MOB3B: variants seen among roughly 807,000 people sequenced by gnomAD.
MOB3B encodes the protein MOB kinase activator-like 2B.
MOB3B carries 7 observed loss-of-function variants against 18.7 expected under a neutral mutation model. The ratio of observed to expected loss-of-function variants is 0.37; its 90% CI spans 0.21 to 0.70. MOB3B has a LOEUF of 0.70. MOB3B is among the 30% of genes least tolerant of loss of function. The pLI is 0.52. For synonymous variants in MOB3B, 111 were observed against 99.9 expected (o/e 1.11, Z -0.66); for missense variants, 253 against 281.3 (o/e 0.90, Z 0.72).
At chr9:27,377,363 C>T (rs1427847557) in intron 2 of MOB3B, among the ~76,000 whole-genome samples, 1 of 152,192 alleles carries the variant, frequency 6.6e-6, no homozygotes, top group Non-Finnish European at 1.5e-5. Flanking sequence ...GACGATGAGT[C>T]ATTCTCTCAG....
At chr9:27,350,644 T>C (rs1821090141) in intron 3 of MOB3B, among the ~76,000 whole-genome samples, 1 of 152,204 alleles carries the variant, frequency 6.6e-6, no homozygotes, top group Non-Finnish European at 1.5e-5. Flanking sequence ...GGCAATTCAT[T>C]GGAAATAATC....
At chr9:27,459,239 G>A (rs1193821823) in intron 1 of MOB3B, among the ~76,000 whole-genome samples, 1 of 149,374 alleles carries the variant, frequency 6.7e-6, no homozygotes, top group East Asian at 1.9e-4. Context: ...CATAATTTAT[G>A]CTGTGGGCTA....
chr9:27,520,657 G>T (rs533286687), intron 1 of MOB3B, among the ~76,000 whole-genome samples: 3 of 152,246 alleles, frequency 2.0e-5, no homozygotes, highest in African/African-American at 7.2e-5. Context: ...AGTATGACAG[G>T]TGACCTCTTT....
intron 2 of MOB3B, among the ~76,000 whole-genome samples, chr9:27,438,580 G>T (rs1177043773): frequency 6.6e-6 from 1 of 152,110 alleles, no homozygotes; most frequent in African/African-American, 2.4e-5. Context: ...TGTTATAAAG[G>T]CTACAATACT....
intron 2 of MOB3B, among the ~76,000 whole-genome samples, chr9:27,364,669 C>T (rs2131361116): frequency 6.6e-6 from 1 of 152,244 alleles, no homozygotes; most frequent in South Asian, 2.1e-4. Flanking sequence ...GAATATATCC[C>T]TTAAAGAAAA....
chr9:27,413,423 G>A (rs777375127), intron 2 of MOB3B, among the ~76,000 whole-genome samples: 2 of 152,080 alleles, frequency 1.3e-5, no homozygotes, highest in Non-Finnish European at 2.9e-5. Context: ...AACAAAGGGA[G>A]GACCACTGCA....
chr9:27,330,510 A>G lies in MOB3B; in HGVS notation c.*77T>C, dbSNP rs559554236. On this transcript the variant is annotated 3_prime_UTR_variant, in exon 4 of 4. Transcript: ENST00000262244. The stretch of plus-strand genomic sequence containing the variant: ...TGGGAGTAGGTGTGTCATTTCAGCC[A>G]GGGTGGTCCACCTCCTGCCCGCTCA... 32 of 1,600,938 alleles carry G rather than the reference A, an allele frequency of 2.0e-5. No individual in the cohort carries two copies. In the African/African-American group the frequency reaches 4.0e-4, roughly 20 times the overall value.
intron 1 of MOB3B, among the ~76,000 whole-genome samples, chr9:27,473,839 A>C (rs535326192): frequency 6.6e-6 from 1 of 152,348 alleles, no homozygotes; most frequent in East Asian, 1.9e-4. Context: ...GCCACAGTGC[A>C]ATAGACTACA....
intron 1 of MOB3B, among the ~76,000 whole-genome samples, chr9:27,490,132 C>T (rs1318384341): frequency 1.3e-5 from 2 of 152,144 alleles, no homozygotes; most frequent in Non-Finnish European, 2.9e-5. Context: ...TCTGTAAAAA[C>T]ATAGAATTCC....
chr9:27,475,485 C>T (rs1819540116), intron 1 of MOB3B, among the ~76,000 whole-genome samples: 1 of 152,192 alleles, frequency 6.6e-6, no homozygotes, highest in Non-Finnish European at 1.5e-5. Flanking sequence ...CAAAAGGAAA[C>T]AACCAAAAGT....
intron 1 of MOB3B, among the ~76,000 whole-genome samples, chr9:27,512,107 G>T (rs2131501700): frequency 6.6e-6 from 1 of 152,254 alleles, no homozygotes; most frequent in African/African-American, 2.4e-5. Context: ...GCCTGATAAA[G>T]GAAACCACAT....
rs114867615 is a variant in MOB3B at position 27,455,563 on chromosome 9, C to T, written c.-13G>A. 1,325 of 1,613,896 alleles carry T rather than the reference C, an allele frequency of 8.2e-4. 10 individuals carry two copies. In the African/African-American group the frequency reaches 0.015, roughly 18 times the overall value. ...GGGCTATGGACATGGTCTTCTCTTT[C>T]GCTTCCTTTCTTTTGCAGGAAGCGA... On this transcript the variant is annotated 5_prime_UTR_variant, in exon 2 of 4. Coordinates refer to ENST00000262244, the MANE Select transcript of MOB3B (RefSeq NM_024761.5).
intron 2 of MOB3B, among the ~76,000 whole-genome samples, chr9:27,362,125 G>A (rs969468217): frequency 3.9e-5 from 6 of 152,196 alleles, no homozygotes; most frequent in African/African-American, 1.4e-4. Context: ...TCTCAGCTGT[G>A]CCTTCCATTC....
chr9:27,340,660 G>C (rs926627237), intron 3 of MOB3B, among the ~76,000 whole-genome samples: 1 of 151,916 alleles, frequency 6.6e-6, no homozygotes, highest in Non-Finnish European at 1.5e-5. Flanking sequence ...CTTCCCACCT[G>C]TATCAACCTG....
chr9:27,498,920 C>G (rs1352916522), intron 1 of MOB3B, among the ~76,000 whole-genome samples: 4 of 152,008 alleles, frequency 2.6e-5, no homozygotes, highest in Admixed American at 2.6e-4. Context: ...CTCTGTGGGC[C>G]AAAATAGGCC....
chr9:27,342,307 A>C (rs1360379200), intron 3 of MOB3B, among the ~76,000 whole-genome samples: 1 of 152,232 alleles, frequency 6.6e-6, no homozygotes, highest in African/African-American at 2.4e-5. Context: ...ATATTTATTT[A>C]ATCTATAAAT....
At chr9:27,528,356 T>G (rs769403261) in intron 1 of MOB3B, among the ~76,000 whole-genome samples, 1 of 152,242 alleles carries the variant, frequency 6.6e-6, no homozygotes, top group Non-Finnish European at 1.5e-5. Flanking sequence ...AACCAACCAC[T>G]GGACGCTCTG....
At chr9:27,458,432 C>T (rs1262502490) in intron 1 of MOB3B, among the ~76,000 whole-genome samples, 3 of 151,206 alleles carry the variant, frequency 2.0e-5, no homozygotes, top group African/African-American at 4.9e-5. Flanking sequence ...CTGGCACTCG[C>T]AAATATTTAA....
chr9:27,366,519 A>G (rs1003308336), intron 2 of MOB3B, among the ~76,000 whole-genome samples: 1 of 152,132 alleles, frequency 6.6e-6, no homozygotes, highest in Admixed American at 6.5e-5. Context: ...TACTTATTTT[A>G]TCTTGTTATG....
Sources: gnomAD v4.1 joint callset for allele counts (sites outside exome capture counted in the v4.1 genomes callset) on GRCh38, gnomAD v4.1.1 for gene constraint, MANE v1.5 for transcripts, NCBI Gene and HGNC (gene_info 2026-07-23, HGNC 2026-07-21) for gene names.